The following CELF4 variants were observed in gnomAD, a reference collection of about 807,000 sequenced individuals.
CELF4 encodes CUGBP Elav-like family member 4.
In CELF4, 18 loss-of-function variants were observed where a neutral mutation model predicts 59.9. The observed-to-expected ratio is 0.30, with a 90% CI of 0.21 to 0.45. The LOEUF is 0.45. CELF4 is among the 20% of genes least tolerant of loss of function. The pLI is 1.00. For missense variants in CELF4, 456 were observed against 689.0 expected (o/e 0.66, Z 3.79); for synonymous variants, 261 against 267.1 (o/e 0.98, Z 0.22).
rs147569163 is a variant in CELF4, at chr18:37,296,573, A to G, written c.449-21330T>C. 1.5e-3 allele frequency among the ~76,000 whole-genome samples: 233 copies of G among 152,296 alleles called. 1 individual carries two copies. The highest frequency in any genetic ancestry group is 5.4e-3 in the African/African-American group (226 of 41,550). On this transcript the variant is annotated intron_variant, in intron 3 of 12. Coordinates refer to ENST00000420428, the MANE Select transcript of CELF4 (RefSeq NM_020180.4). ...CCCTCAGGACCCTCATTGGTTTGAA[A>G]GGGAACACTATTAATAATTAGTCCA...
intron 2 of CELF4, among the ~76,000 whole-genome samples, chr18:37,423,665 C>T (rs758053374): frequency 1.1e-4 from 17 of 152,104 alleles, no homozygotes; most frequent in Non-Finnish European, 1.6e-4. Context: ...ATCCTGGTGA[C>T]AGCCATGGCC....
chr18:37,388,829 C>T (rs894915990), intron 2 of CELF4, among the ~76,000 whole-genome samples: 3 of 152,130 alleles, frequency 2.0e-5, no homozygotes, highest in Admixed American at 6.5e-5. Flanking sequence ...GCACCTCAGC[C>T]CTTGTCACCC....
intron 2 of CELF4, among the ~76,000 whole-genome samples, chr18:37,430,585 G>A (rs1012490715): frequency 1.3e-5 from 2 of 152,218 alleles, no homozygotes; most frequent in African/African-American, 2.4e-5. Flanking sequence ...GCACAGAAAC[G>A]ACCAGATAAC....
intron 3 of CELF4, among the ~76,000 whole-genome samples, chr18:37,278,657 G>A (rs2093715641): frequency 6.6e-6 from 1 of 152,230 alleles, no homozygotes; most frequent in African/African-American, 2.4e-5. Context: ...TCTCCGTGCA[G>A]GAGGAAGAGG....
At chr18:37,429,807 C>A (rs1463793305) in intron 2 of CELF4, among the ~76,000 whole-genome samples, 5 of 152,162 alleles carry the variant, frequency 3.3e-5, no homozygotes, top group Non-Finnish European at 2.9e-5. Flanking sequence ...GAAAATAGAA[C>A]AACCTCATCA....
chr18:37,355,734 C>G (rs1382578430), intron 2 of CELF4, among the ~76,000 whole-genome samples: 1 of 152,112 alleles, frequency 6.6e-6, no homozygotes, highest in Non-Finnish European at 1.5e-5. Context: ...AGAGAGAGTG[C>G]CATGATGAAG....
intron 3 of CELF4, among the ~76,000 whole-genome samples, chr18:37,280,810 C>T (rs1387809617): frequency 6.6e-6 from 1 of 152,248 alleles, no homozygotes; most frequent in Non-Finnish European, 1.5e-5. Flanking sequence ...TGACTGCTTT[C>T]CTTTCCACCA....
At chr18:37,495,959 G>T in intron 1 of CELF4, among the ~76,000 whole-genome samples, 1 of 152,094 alleles carries the variant, frequency 6.6e-6, no homozygotes, top group East Asian at 1.9e-4. Flanking sequence ...TCCCTTTGTG[G>T]CTTCTTAGGA....
intron 1 of CELF4, among the ~76,000 whole-genome samples, chr18:37,500,496 T>C (rs2099930306): frequency 6.6e-6 from 1 of 151,688 alleles, no homozygotes; most frequent in South Asian, 2.1e-4. Flanking sequence ...ACCCCTTCTC[T>C]TTGCCTTCTA....
chr18:37,421,477 A>G (rs913506010), intron 2 of CELF4, among the ~76,000 whole-genome samples: 4 of 152,194 alleles, frequency 2.6e-5, no homozygotes, highest in Non-Finnish European at 4.4e-5. Context: ...TCTGCCTACA[A>G]TGAAGAAGGC....
intron 1 of CELF4, among the ~76,000 whole-genome samples, chr18:37,503,429 G>C (rs2099934065): frequency 6.6e-6 from 1 of 152,162 alleles, no homozygotes; most frequent in African/African-American, 2.4e-5. Context: ...GCCTGCTGTC[G>C]AGTCACGAGT....
At chr18:37,389,750 A>C (rs2099137553) in intron 2 of CELF4, among the ~76,000 whole-genome samples, 2 of 152,136 alleles carry the variant, frequency 1.3e-5, no homozygotes. Context: ...GCGTGCACAC[A>C]GTCAGAAATT....
At chr18:37,274,920 A>G in intron 4 of CELF4, 36 bp from the exon 5 acceptor site, 4 of 1,597,422 alleles carry the variant, frequency 2.5e-6, no homozygotes, top group Non-Finnish European at 3.4e-6. Context: ...GGGACCCAGA[A>G]GCAGGGCCAG....
chr18:37,485,212 C>G (rs901521037), intron 2 of CELF4, among the ~76,000 whole-genome samples: 2 of 151,922 alleles, frequency 1.3e-5, no homozygotes, highest in African/African-American at 4.8e-5. Context: ...TGGGCGGACT[C>G]GATCGCGCAC....
intron 2 of CELF4, among the ~76,000 whole-genome samples, chr18:37,378,293 G>C (rs2098995437): frequency 6.6e-6 from 1 of 152,162 alleles, no homozygotes; most frequent in African/African-American, 2.4e-5. Context: ...GCAGGAGGTG[G>C]GGTATGGCCC....
intron 2 of CELF4, among the ~76,000 whole-genome samples, chr18:37,331,559 G>A (rs1321368006): frequency 2.0e-5 from 3 of 152,166 alleles, no homozygotes; most frequent in Non-Finnish European, 2.9e-5. Context: ...GTGTGGGTTG[G>A]TGCTGTGTGC....
intron 3 of CELF4, among the ~76,000 whole-genome samples, chr18:37,303,325 G>T (rs183979762): frequency 7.6e-4 from 115 of 152,280 alleles, no homozygotes; most frequent in African/African-American, 2.6e-3. Flanking sequence ...TGAAATCCTG[G>T]CAGAGGTCTC....
rs148090789 is a variant in CELF4, at chr18:37,529,748, G to C, written c.286+35608C>G. On this transcript the variant is annotated intron_variant, in intron 1 of 12. Coordinates refer to ENST00000420428, the MANE Select transcript of CELF4 (RefSeq NM_020180.4). ...GGAACCTGAGTTCTATTCCCAGGGG[G>C]TATCAGCAACCAGCTACCACTCAAC... Among the ~76,000 whole-genome samples, 1,172 of 152,238 alleles carry C rather than the reference G, an allele frequency of 7.7e-3. 12 individuals are homozygous for C. The highest frequency in any genetic ancestry group is 0.026 in the African/African-American group (1,086 of 41,524).
intron 2 of CELF4, among the ~76,000 whole-genome samples, chr18:37,446,136 C>T (rs1444226832): frequency 2.0e-5 from 3 of 152,162 alleles, no homozygotes; most frequent in Non-Finnish European, 4.4e-5. Context: ...TTAGCAGGAG[C>T]GGACTAACGT....
Sources: allele counts gnomAD v4.1 joint callset (sites outside exome capture counted in the v4.1 genomes callset), GRCh38; gene constraint gnomAD v4.1.1; transcripts MANE v1.5; gene names NCBI Gene and HGNC (gene_info 2026-07-23, HGNC 2026-07-21).